Variants in ARB2A observed in about 807,000 individuals in gnomAD.
The protein encoded by ARB2A is ARB2 cotranscriptional regulator A, also known as cotranscriptional regulator ARB2A.
the ARB2A span, among the ~76,000 whole-genome samples, chr5:93,670,854 A>G: frequency 7.2e-5 from 11 of 152,346 alleles, no homozygotes; most frequent in South Asian, 2.3e-3. Flanking sequence ...ACAATGCTGA[A>G]ATGTTCCAAA....
chr5:93,792,290 A>C, the ARB2A span, among the ~76,000 whole-genome samples: 3 of 152,352 alleles, frequency 2.0e-5, no homozygotes, highest in East Asian at 5.8e-4. Flanking sequence ...TAGATACAGT[A>C]TAAAAGTGTA....
chr5:93,924,479 T>C, the ARB2A span, among the ~76,000 whole-genome samples: 1 of 152,188 alleles, frequency 6.6e-6, no homozygotes, highest in South Asian at 2.1e-4. Context: ...AGACAGAGAA[T>C]GGCAGAGAGA....
the ARB2A span, among the ~76,000 whole-genome samples, chr5:93,627,438 G>GTTTTTTTT: frequency 8.9e-4 from 96 of 108,074 alleles, 3 homozygotes; most frequent in African/African-American, 3.6e-3. Flanking sequence ...TACAAAATGT[G>GTTTTTTTT]TTTTGTTTTT....
the ARB2A span, among the ~76,000 whole-genome samples, chr5:93,693,213 T>C: frequency 6.6e-6 from 1 of 151,970 alleles, no homozygotes; most frequent in African/African-American, 2.4e-5. Flanking sequence ...AGAGCAGAAC[T>C]GAAGGAGACA....
At chr5:94,094,287 G>A in the ARB2A span, among the ~76,000 whole-genome samples, 1 of 152,160 alleles carries the variant, frequency 6.6e-6, no homozygotes, top group Admixed American at 6.5e-5. Flanking sequence ...TTCCTGGTTT[G>A]CAGATTTTTG....
At chr5:93,741,116 C>T in the ARB2A span, 1 of 1,613,754 alleles carries the variant, frequency 6.2e-7, no homozygotes. Flanking sequence ...GCTCCCACAG[C>T]GATCCCCACA....
the ARB2A span, among the ~76,000 whole-genome samples, chr5:93,691,518 T>C: frequency 2.0e-5 from 3 of 151,886 alleles, no homozygotes; most frequent in African/African-American, 7.2e-5. Flanking sequence ...CCAAGAAATA[T>C]GGGACTATGT....
the ARB2A span, among the ~76,000 whole-genome samples, chr5:93,853,048 A>T: frequency 4.6e-5 from 7 of 152,308 alleles, no homozygotes; most frequent in East Asian, 3.9e-4. Context: ...TACCTTGGGC[A>T]GTATGGCCAT....
At chr5:93,742,966 C>T in the ARB2A span, 1 of 152,344 alleles carries the variant, frequency 6.6e-6, no homozygotes, top group East Asian at 1.9e-4. Context: ...CAAGCTTAAA[C>T]CTAGGAGCTG....
At chr5:93,688,773 G>A in the ARB2A span, among the ~76,000 whole-genome samples, 1 of 152,028 alleles carries the variant, frequency 6.6e-6, no homozygotes, top group Admixed American at 6.6e-5. Flanking sequence ...CAAACCAAAA[G>A]CCTGGACACC....
At chr5:93,664,620 G>T in the ARB2A span, among the ~76,000 whole-genome samples, 1 of 148,932 alleles carries the variant, frequency 6.7e-6, no homozygotes, top group Non-Finnish European at 1.5e-5. Flanking sequence ...GACAGAGCGA[G>T]ACTTCGTCTC....
chr5:93,891,420 A>G, the ARB2A span, among the ~76,000 whole-genome samples: 1 of 152,216 alleles, frequency 6.6e-6, no homozygotes, highest in African/African-American at 2.4e-5. Context: ...CCAAATTTTC[A>G]TTCACATAAT....
At chr5:94,050,603 A>C in the ARB2A span, 1 of 719,126 alleles carries the variant, frequency 1.4e-6, no homozygotes, top group East Asian at 2.8e-5. Context: ...GGAACAAAAA[A>C]AAAAAACAAA....
At chr5:93,791,266 TTAA>T in the ARB2A span, among the ~76,000 whole-genome samples, 1 of 152,336 alleles carries the variant, frequency 6.6e-6, no homozygotes, top group East Asian at 1.9e-4. Flanking sequence ...ACTGGCATAA[TTAA>T]TAATAGAGTC....
chr5:94,044,475 T>C, the ARB2A span, among the ~76,000 whole-genome samples: 1 of 152,100 alleles, frequency 6.6e-6, no homozygotes, highest in Non-Finnish European at 1.5e-5. Flanking sequence ...CAGGCAGGAA[T>C]ATCATCGCCC....
At chr5:94,053,023 T>C in the ARB2A span, 23 of 501,028 alleles carry the variant, frequency 4.6e-5, no homozygotes, top group Non-Finnish European at 7.1e-5. Context: ...TAGCAAATAA[T>C]ATCTGTCTTA....
the ARB2A span, among the ~76,000 whole-genome samples, chr5:93,665,208 G>T: frequency 6.6e-6 from 1 of 152,154 alleles, no homozygotes; most frequent in Non-Finnish European, 1.5e-5. Flanking sequence ...CTAGAGAATT[G>T]ACATGATGTA....
chr5:93,823,470 TCAAGTA>T, the ARB2A span, among the ~76,000 whole-genome samples: 44 of 152,298 alleles, frequency 2.9e-4, no homozygotes, highest in African/African-American at 9.6e-4. Flanking sequence ...TGATCAAGTA[TCAAGTA>T]CAAGTCAGTT....
the ARB2A span, among the ~76,000 whole-genome samples, chr5:93,675,572 C>T: frequency 3.3e-5 from 5 of 152,308 alleles, no homozygotes; most frequent in South Asian, 8.3e-4. Flanking sequence ...AAAATGCTTC[C>T]TGAGTGCTTA....
Sources: allele counts gnomAD v4.1 joint callset (sites outside exome capture counted in the v4.1 genomes callset), GRCh38; gene constraint gnomAD v4.1.1; transcripts MANE v1.5; gene names NCBI Gene and HGNC (gene_info 2026-07-23, HGNC 2026-07-21).